Variants in TENM3 observed in about 807,000 individuals in gnomAD.
TENM3 encodes the protein teneurin-3.
In TENM3, 63 loss-of-function variants were observed where a neutral mutation model predicts 255.1. That is an observed-to-expected ratio of 0.25 (90% confidence interval 0.20 to 0.30). The LOEUF (loss-of-function observed/expected upper bound fraction) is 0.30. Ranked by LOEUF, TENM3 falls within the 10% of genes least tolerant of loss-of-function variation. The pLI is 1.00. For missense variants in TENM3, 2,929 were observed against 3,461.1 expected (o/e 0.85, Z 3.86); for synonymous variants, 1,306 against 1,322.3 (o/e 0.99, Z 0.27).
the TENM3 span, among the ~76,000 whole-genome samples, chr4:181,605,581 A>AG: frequency 8.0e-4 from 27 of 33,802 alleles, 4 homozygotes; most frequent in Non-Finnish European, 2.4e-3. Flanking sequence ...AGAGAGAAAG[A>AG]AAGGAAAGAA....
chr4:181,559,307 A>C, the TENM3 span, among the ~76,000 whole-genome samples: 1 of 152,182 alleles, frequency 6.6e-6, no homozygotes, highest in Non-Finnish European at 1.5e-5. Flanking sequence ...AGCCCAATAA[A>C]GAAAGAATGT....
chr4:182,286,135 A>G (rs1023111107), intron 1 of TENM3, among the ~76,000 whole-genome samples: 1 of 152,146 alleles, frequency 6.6e-6, no homozygotes, highest in African/African-American at 2.4e-5. Flanking sequence ...ACTGCAGGGC[A>G]TGTTTCTTGC....
intron 3 of TENM3, among the ~76,000 whole-genome samples, chr4:182,531,010 T>C (rs934646905): frequency 6.6e-6 from 1 of 152,134 alleles, no homozygotes; most frequent in African/African-American, 2.4e-5. Context: ...AGGGAGAGTA[T>C]TTTAAAGCAG....
intron 1 of TENM3, among the ~76,000 whole-genome samples, chr4:182,217,614 C>CAACCT (rs879794557): frequency 3.3e-5 from 5 of 152,078 alleles, no homozygotes; most frequent in Non-Finnish European, 5.9e-5. Context: ...AACATTATAC[C>CAACCT]CATTTTACAG....
At chr4:181,491,574 A>G in the TENM3 span, among the ~76,000 whole-genome samples, 5 of 152,098 alleles carry the variant, frequency 3.3e-5, no homozygotes, top group African/African-American at 9.6e-5. Flanking sequence ...AGGAACAGGT[A>G]GTATTTCCCA....
At chr4:182,598,477 AG>A (rs1747504776) in intron 3 of TENM3, among the ~76,000 whole-genome samples, 3 of 152,298 alleles carry the variant, frequency 2.0e-5, no homozygotes, top group African/African-American at 7.2e-5. Context: ...TAAGGAAAGC[AG>A]CAGCTGCTTA....
At chr4:182,275,002 T>G (rs1579983961) in intron 1 of TENM3, among the ~76,000 whole-genome samples, 1 of 152,186 alleles carries the variant, frequency 6.6e-6, no homozygotes. Flanking sequence ...TTTTTGTATT[T>G]TTAGTAGAGA....
At chr4:182,093,994 G>A in the TENM3 span, among the ~76,000 whole-genome samples, 187 of 152,226 alleles carry the variant, frequency 1.2e-3, 5 homozygotes, top group South Asian at 0.038. Flanking sequence ...ATAGAGGAAG[G>A]AACCTACAGA....
chr4:182,725,737 G>A (rs1437594891), intron 13 of TENM3, among the ~76,000 whole-genome samples: 3 of 149,716 alleles, frequency 2.0e-5, no homozygotes, highest in African/African-American at 4.9e-5. Context: ...CTGGGTTCAA[G>A]CAATTCTCCT....
the TENM3 span, among the ~76,000 whole-genome samples, chr4:182,018,282 C>T: frequency 6.6e-6 from 1 of 152,270 alleles, no homozygotes; most frequent in South Asian, 2.1e-4. Context: ...GCCATCCACC[C>T]TGATTAGCCA....
chr4:182,447,459 G>T (rs913590818), intron 3 of TENM3, among the ~76,000 whole-genome samples: 2 of 152,144 alleles, frequency 1.3e-5, no homozygotes, highest in Non-Finnish European at 2.9e-5. Flanking sequence ...TCAAGGTAAA[G>T]CTAGTATGTT....
At chr4:182,037,010 A>C in the TENM3 span, among the ~76,000 whole-genome samples, 2 of 152,200 alleles carry the variant, frequency 1.3e-5, no homozygotes, top group African/African-American at 2.4e-5. Flanking sequence ...ACTTTTTAAA[A>C]AGTATGAATC....
In TENM3 at chr4:182,400,346, T is replaced by C. The variant is rs117061912; in HGVS notation, c.511+53417T>C. Reference sequence around the variant, plus strand: ...GAGGGTTTGGAATGTTTTAAACATTTGAAGTGCCTGGGATCAATTACTGTA... The same window carrying C: ...GAGGGTTTGGAATGTTTTAAACATTCGAAGTGCCTGGGATCAATTACTGTA... On this transcript the variant is annotated intron_variant, in intron 3 of 27. Coordinates refer to ENST00000511685, the MANE Select transcript of TENM3 (RefSeq NM_001080477.4). Among the ~76,000 whole-genome samples, 63 of 152,340 alleles carry C rather than the reference T, an allele frequency of 4.1e-4. 1 individual carries two copies. In the East Asian group the frequency reaches 0.011, roughly 27 times the overall value.
At chr4:182,732,412 A>T (rs1760839383) in intron 16 of TENM3, among the ~76,000 whole-genome samples, 1 of 152,236 alleles carries the variant, frequency 6.6e-6, no homozygotes, top group African/African-American at 2.4e-5. Context: ...ACTTTTTAAG[A>T]AATAGCCATG....
intron 24 of TENM3, among the ~76,000 whole-genome samples, chr4:182,785,543 A>G (rs895626000): frequency 6.6e-6 from 1 of 151,302 alleles, no homozygotes; most frequent in Non-Finnish European, 1.5e-5. Flanking sequence ...CCCTGTCTCT[A>G]CTAAAAATAC....
In TENM3 at chr4:182,754,111, G is replaced by A. The variant is rs112777946; in HGVS notation, c.4018-274G>A. Among the ~76,000 whole-genome samples, 6 of 152,288 alleles carry A rather than the reference G, an allele frequency of 3.9e-5. No individual in the cohort carries two copies. The highest frequency in any genetic ancestry group is 2.0e-4 in the Admixed American group (3 of 15,300). ...GGAACATGTGTGTTCATAGCTCATC[G>A]ATATCTGTTGACTCACTACGTAGAG... is the stretch of plus-strand genomic sequence containing the variant. On this transcript the variant is annotated intron_variant, in intron 21 of 27. Coordinates refer to ENST00000511685, the MANE Select transcript of TENM3 (RefSeq NM_001080477.4). This position sits in a 1 kb window ranked among gnomAD's most constrained non-coding sequence, Gnocchi z 5.1.
At position 182,668,360 on chromosome 4, in the gene TENM3, T is replaced by G. The variant is rs185926644; in HGVS notation, c.1112-4645T>G. 1.7e-3 allele frequency among the ~76,000 whole-genome samples: 255 copies of G among 152,260 alleles called. 1 individual carries two copies. Among genetic ancestry groups the G allele is most frequent in the Non-Finnish European group, 4.1e-4 (28 of 68,008 alleles). The stretch of plus-strand genomic sequence containing the variant: ...GTTATTGAGGGTCTATTAATAGAAA[T>G]TAATCTCCTACCCCGTTCCTTATTG... On this transcript the variant is annotated intron_variant, in intron 6 of 27. Coordinates refer to ENST00000511685, the MANE Select transcript of TENM3 (RefSeq NM_001080477.4).
At chr4:182,423,152 G>A (rs1561431507) in intron 3 of TENM3, among the ~76,000 whole-genome samples, 1 of 151,874 alleles carries the variant, frequency 6.6e-6, no homozygotes, top group Non-Finnish European at 1.5e-5. Flanking sequence ...TTTCCTGTTC[G>A]GTTTTGTTCT....
At chr4:181,743,161 G>C in the TENM3 span, among the ~76,000 whole-genome samples, 12 of 152,082 alleles carry the variant, frequency 7.9e-5, no homozygotes. Context: ...CTTTATAGCA[G>C]CATGATTTAT....
Sources: gnomAD v4.1 joint callset for allele counts (sites outside exome capture counted in the v4.1 genomes callset) on GRCh38, gnomAD v4.1.1 for gene constraint, Gnocchi (gnomAD v3.1) non-coding constraint, MANE v1.5 for transcripts, NCBI Gene and HGNC (gene_info 2026-07-23, HGNC 2026-07-21) for gene names.